LINGO2: variants seen among roughly 807,000 people sequenced by gnomAD.
The protein encoded by LINGO2 is leucine rich repeat and Ig domain containing 2, also known as leucine-rich repeat and immunoglobulin-like domain-containing nogo receptor-interacting protein 2.
Under a neutral mutation model 30.6 loss-of-function variants are expected in LINGO2, and 14 were observed. The observed-to-expected ratio is 0.46, with a 90% CI of 0.30 to 0.72. The LOEUF (loss-of-function observed/expected upper bound fraction) is 0.72. LINGO2 is among the 30% of genes least tolerant of loss of function. The pLI is 0.07. For missense variants in LINGO2, 729 were observed against 751.7 expected (o/e 0.97, Z 0.35); for synonymous variants, 317 against 288.5 (o/e 1.10, Z -1.00).
At chr9:28,191,194 A>C (rs1282388647) in intron 4 of LINGO2, among the ~76,000 whole-genome samples, 1 of 152,220 alleles carries the variant, frequency 6.6e-6, no homozygotes, top group Non-Finnish European at 1.5e-5. Flanking sequence ...CTTTCTGACA[A>C]GAAACATTTT....
chr9:28,390,615 C>A (rs1254688419), intron 2 of LINGO2, among the ~76,000 whole-genome samples: 1 of 151,536 alleles, frequency 6.6e-6, no homozygotes, highest in African/African-American at 2.4e-5. Flanking sequence ...AGTTTACGAT[C>A]ACAGCCCTTG....
the LINGO2 span, among the ~76,000 whole-genome samples, chr9:28,692,573 C>T: frequency 4.6e-3 from 699 of 152,258 alleles, 5 homozygotes; most frequent in African/African-American, 0.015. Flanking sequence ...TCTATCCAAA[C>T]CTATATGTTG....
chr9:28,534,002 T>C (rs556634382), intron 1 of LINGO2, among the ~76,000 whole-genome samples: 1 of 152,316 alleles, frequency 6.6e-6, no homozygotes, highest in African/African-American at 2.4e-5. Context: ...TTATTGTTGT[T>C]AGGCCTTTTC....
At chr9:28,046,837 G>A (rs1488253449) in intron 4 of LINGO2, among the ~76,000 whole-genome samples, 3 of 152,094 alleles carry the variant, frequency 2.0e-5, no homozygotes, top group Middle Eastern at 3.2e-3. Context: ...GATCCACTGG[G>A]ACTATCACCT....
rs111836338 is a variant in LINGO2 at position 28,520,129 on chromosome 9, T to G, written c.-364-44104A>C. 2.9e-3 allele frequency among the ~76,000 whole-genome samples: 437 copies of G among 152,316 alleles called. 6 individuals carry two copies. The highest frequency in any genetic ancestry group is 9.9e-3 in the African/African-American group (413 of 41,572). ...ACATCACATGATTGGTATACAAAGATAGTTTTACCTTAGCCTTAATTCTTA... is the reference window on the plus strand; with the variant it reads ...ACATCACATGATTGGTATACAAAGAGAGTTTTACCTTAGCCTTAATTCTTA... On this transcript the variant is annotated intron_variant, in intron 1 of 5. Coordinates refer to ENST00000379992, the Ensembl canonical transcript of LINGO2.
At chr9:28,418,068 C>A (rs1052293095) in intron 2 of LINGO2, among the ~76,000 whole-genome samples, 1 of 151,966 alleles carries the variant, frequency 6.6e-6, no homozygotes, top group African/African-American at 2.4e-5. Context: ...ATTTTTTCCC[C>A]CAGTGGATAA....
chr9:29,166,228 C>T, the LINGO2 span, among the ~76,000 whole-genome samples: 4 of 152,170 alleles, frequency 2.6e-5, no homozygotes, highest in East Asian at 7.7e-4. Context: ...TTTTTCTCCT[C>T]TTCTCAAAAA....
the LINGO2 span, among the ~76,000 whole-genome samples, chr9:29,041,374 A>G: frequency 6.6e-6 from 1 of 152,068 alleles, no homozygotes. Flanking sequence ...CAGAATAGCT[A>G]AAATATTTTG....
At chr9:28,794,061 T>C in the LINGO2 span, among the ~76,000 whole-genome samples, 52 of 152,174 alleles carry the variant, frequency 3.4e-4, 2 homozygotes, top group South Asian at 0.01. Flanking sequence ...ATCCCAGCAC[T>C]TTGGGAGGCT....
chr9:28,018,122 CAAT>C (rs1822932918), intron 4 of LINGO2, among the ~76,000 whole-genome samples: 1 of 152,054 alleles, frequency 6.6e-6, no homozygotes. Flanking sequence ...GATACCTAGT[CAAT>C]AAATGGTGCT....
At chr9:28,546,781 A>G (rs1009098175) in intron 1 of LINGO2, among the ~76,000 whole-genome samples, 4 of 152,018 alleles carry the variant, frequency 2.6e-5, no homozygotes, top group African/African-American at 4.8e-5. Flanking sequence ...GACCCTTCCA[A>G]TGTCCTTCAG....
At chr9:28,194,568 A>G (rs1420828496) in intron 4 of LINGO2, among the ~76,000 whole-genome samples, 1 of 150,794 alleles carries the variant, frequency 6.6e-6, no homozygotes, top group Admixed American at 6.7e-5. Flanking sequence ...TCCTAAAAAA[A>G]AAAAAAAAAA....
the LINGO2 span, among the ~76,000 whole-genome samples, chr9:28,995,163 A>G: frequency 6.6e-6 from 1 of 152,178 alleles, no homozygotes; most frequent in East Asian, 1.9e-4. Flanking sequence ...GAACTCAAAC[A>G]AATTTACAAG....
chr9:28,905,927 A>G, the LINGO2 span, among the ~76,000 whole-genome samples: 1 of 152,112 alleles, frequency 6.6e-6, no homozygotes, highest in Non-Finnish European at 1.5e-5. Flanking sequence ...TTAAAGGATG[A>G]ATAAGTAAAG....
At chr9:28,890,303 C>A in the LINGO2 span, among the ~76,000 whole-genome samples, 3 of 151,974 alleles carry the variant, frequency 2.0e-5, no homozygotes, top group Non-Finnish European at 4.4e-5. Context: ...GTTTCTGTCT[C>A]ACTGTTAAAG....
Position 28,646,574 on chromosome 9 carries a change from A to G in LINGO2, c.-365+23626T>C, listed in dbSNP as rs918235453. On this transcript the variant is annotated intron_variant, in intron 1 of 5. Transcript: ENST00000379992. ...ATGATATGAACCAACAAAAAGGATCAGACAAAATAGAAAGATTGATCCATA... is the reference window on the plus strand; with the variant it reads ...ATGATATGAACCAACAAAAAGGATCGGACAAAATAGAAAGATTGATCCATA... Among the ~76,000 whole-genome samples, 7 of 152,228 alleles carry G rather than the reference A, an allele frequency of 4.6e-5. No homozygotes were observed. In the East Asian group the frequency reaches 7.7e-4, roughly 17 times the overall value.
intron 5 of LINGO2, among the ~76,000 whole-genome samples, chr9:27,992,729 G>T (rs1821459833): frequency 6.6e-6 from 1 of 152,072 alleles, no homozygotes; most frequent in Admixed American, 6.6e-5. Flanking sequence ...TGGATTTCTG[G>T]TTGGTTTTCT....
intron 1 of LINGO2, among the ~76,000 whole-genome samples, chr9:28,580,469 C>T (rs1312002291): frequency 6.6e-6 from 1 of 151,960 alleles, no homozygotes; most frequent in Non-Finnish European, 1.5e-5. Context: ...CTCCCTCCCA[C>T]TGAATAAATA....
chr9:28,481,271 T>C (rs941985878), intron 1 of LINGO2, among the ~76,000 whole-genome samples: 13 of 152,118 alleles, frequency 8.5e-5, no homozygotes, highest in African/African-American at 2.4e-4. Context: ...ATTATTAATA[T>C]CCATATTTTG....
Sources: gnomAD v4.1 joint callset for allele counts (sites outside exome capture counted in the v4.1 genomes callset) on GRCh38, gnomAD v4.1.1 for gene constraint, MANE v1.5 for transcripts, NCBI Gene and HGNC (gene_info 2026-07-23, HGNC 2026-07-21) for gene names.